HYCC1: variants seen among roughly 807,000 people sequenced by gnomAD.
HYCC1 encodes hyccin.
At chr7:22,907,708 G>T in the HYCC1 span, among the ~76,000 whole-genome samples, 1 of 152,048 alleles carries the variant, frequency 6.6e-6, no homozygotes, top group Non-Finnish European at 1.5e-5. Flanking sequence ...TCAGGAGTTT[G>T]AGACCAGCCT....
chr7:22,920,100 G>T, the HYCC1 span, among the ~76,000 whole-genome samples: 1 of 152,182 alleles, frequency 6.6e-6, no homozygotes, highest in Non-Finnish European at 1.5e-5. Context: ...GGCAAAGGAC[G>T]AAGGATAGCT....
the HYCC1 span, chr7:22,934,115 G>A: frequency 6.6e-6 from 1 of 150,384 alleles, no homozygotes; most frequent in Admixed American, 6.6e-5. Context: ...TTGAAGGGTT[G>A]TGAAATAACA....
At chr7:22,976,030 T>G in the HYCC1 span, among the ~76,000 whole-genome samples, 9 of 152,324 alleles carry the variant, frequency 5.9e-5, no homozygotes, top group African/African-American at 1.9e-4. Flanking sequence ...CTTTATCATG[T>G]TTTTTGTGAC....
the HYCC1 span, chr7:22,991,148 TA>T: frequency 6.4e-7 from 1 of 1,553,550 alleles, no homozygotes; most frequent in Non-Finnish European, 8.9e-7. Context: ...ACCTGAAAAT[TA>T]ACATAGAAAA....
the HYCC1 span, chr7:22,939,810 T>C: frequency 6.6e-6 from 1 of 152,306 alleles, no homozygotes; most frequent in South Asian, 2.1e-4. Flanking sequence ...CAGTTTCCTC[T>C]TCTGTAAAAT....
At chr7:22,925,273 G>A in the HYCC1 span, among the ~76,000 whole-genome samples, 13 of 152,288 alleles carry the variant, frequency 8.5e-5, no homozygotes, top group South Asian at 6.2e-4. Context: ...AAATCAGAGC[G>A]CCTCTCCTCC....
At chr7:22,926,620 C>G in the HYCC1 span, among the ~76,000 whole-genome samples, 1 of 152,076 alleles carries the variant, frequency 6.6e-6, no homozygotes, top group Non-Finnish European at 1.5e-5. Flanking sequence ...ATCAATTCAA[C>G]AAGAAAAGCT....
chr7:22,964,666 A>C, the HYCC1 span: 2 of 643,790 alleles, frequency 3.1e-6, no homozygotes, highest in Non-Finnish European at 5.6e-6. Flanking sequence ...GAATCTTTCC[A>C]AACAGAACAT....
chr7:22,955,260 C>G, the HYCC1 span, among the ~76,000 whole-genome samples: 1 of 151,560 alleles, frequency 6.6e-6, no homozygotes, highest in Non-Finnish European at 1.5e-5. Context: ...CACAGGACAA[C>G]TTGAATAGCA....
chr7:22,956,838 A>C, the HYCC1 span, among the ~76,000 whole-genome samples: 8 of 151,970 alleles, frequency 5.3e-5, no homozygotes, highest in African/African-American at 1.9e-4. Flanking sequence ...TCAAAATACA[A>C]TTCTAGAAAC....
chr7:23,013,367 G>A, the HYCC1 span, among the ~76,000 whole-genome samples: 1 of 152,242 alleles, frequency 6.6e-6, no homozygotes, highest in African/African-American at 2.4e-5. Context: ...TCGGGCCAAC[G>A]CTGCTCTCCA....
At chr7:22,909,313 C>T in the HYCC1 span, among the ~76,000 whole-genome samples, 30 of 152,166 alleles carry the variant, frequency 2.0e-4, no homozygotes, top group African/African-American at 7.2e-4. Flanking sequence ...CCATGTGAGA[C>T]ACCTGCTCCC....
At chr7:22,948,909 T>C in the HYCC1 span, among the ~76,000 whole-genome samples, 2 of 151,966 alleles carry the variant, frequency 1.3e-5, no homozygotes, top group Non-Finnish European at 1.5e-5. Flanking sequence ...TCTTCCAAGT[T>C]AGGGCAAATA....
the HYCC1 span, among the ~76,000 whole-genome samples, chr7:22,954,770 C>G: frequency 6.6e-6 from 1 of 151,544 alleles, no homozygotes; most frequent in East Asian, 1.9e-4. Flanking sequence ...TTCTTTTTTA[C>G]TACTTAAAAT....
the HYCC1 span, among the ~76,000 whole-genome samples, chr7:22,984,839 C>T: frequency 6.6e-6 from 1 of 152,144 alleles, no homozygotes; most frequent in African/African-American, 2.4e-5. Flanking sequence ...ACACTACCAA[C>T]AAACGAATTT....
the HYCC1 span, chr7:23,013,847 G>C: frequency 6.8e-6 from 3 of 441,384 alleles, no homozygotes; most frequent in Non-Finnish European, 1.4e-5. Context: ...GCCTCGCCCC[G>C]GCTCCTCCCT....
At chr7:22,965,192 T>A in the HYCC1 span, among the ~76,000 whole-genome samples, 1 of 147,432 alleles carries the variant, frequency 6.8e-6, no homozygotes, top group African/African-American at 2.5e-5. Context: ...TTGTCATAAA[T>A]AGATGTGTGG....
chr7:22,996,304 A>C, the HYCC1 span, among the ~76,000 whole-genome samples: 1 of 151,952 alleles, frequency 6.6e-6, no homozygotes, highest in East Asian at 1.9e-4. Flanking sequence ...AAAAAAAAAA[A>C]AAAAGAAGCA....
At chr7:23,002,173 T>C in the HYCC1 span, among the ~76,000 whole-genome samples, 2 of 35,422 alleles carry the variant, frequency 5.6e-5, no homozygotes, top group Non-Finnish European at 1.2e-4. Context: ...TATATATATA[T>C]ATACATATAG....
Sources: gnomAD v4.1 joint callset for allele counts (sites outside exome capture counted in the v4.1 genomes callset) on GRCh38, gnomAD v4.1.1 for gene constraint, MANE v1.5 for transcripts, NCBI Gene and HGNC (gene_info 2026-07-23, HGNC 2026-07-21) for gene names.